Variants in SHB observed in about 807,000 individuals in gnomAD.
The protein encoded by SHB is SH2 domain containing adaptor protein B.
In SHB, 20 loss-of-function variants were observed where a neutral mutation model predicts 52.3. The ratio of observed to expected loss-of-function variants is 0.38; its 90% CI spans 0.27 to 0.56. SHB has a LOEUF of 0.56. SHB is among the 20% of genes least tolerant of loss of function. SHB has a pLI of 0.71. For synonymous variants in SHB, 397 were observed against 316.5 expected, an observed-to-expected ratio of 1.25 and a Z score of -2.70; for missense variants, 825 against 723.3, an observed-to-expected ratio of 1.14 and a Z score of -1.61.
intron 5 of SHB, among the ~76,000 whole-genome samples, chr9:37,948,220 C>A (rs1832516521): frequency 6.6e-6 from 1 of 151,080 alleles, no homozygotes; most frequent in Non-Finnish European, 1.5e-5. Flanking sequence ...CCTGGCCCAG[C>A]CACTTGGGCC....
At position 38,068,442 on chromosome 9, in the gene SHB, G is replaced by C. The variant is rs1284387083; in HGVS notation, c.204C>G (p.Gly68=). Residue 68 remains glycine, a synonymous_variant, in exon 1 of 6, where the codon GGC becomes GGG. Coordinates refer to ENST00000377707, the MANE Select transcript of SHB (RefSeq NM_003028.3). ...TGCTGCCGCTGTCGTCGGGCAGCGA[G>C]CCCGAAGAGGCTGAGAAGCAGGAGG... ...ATASCFSASS[G]SLPDDSGSTS... 1.9e-6 allele frequency: 3 copies of C among 1,544,256 alleles called. No homozygotes were observed. Among genetic ancestry groups the C allele is most frequent in the Non-Finnish European group, 2.6e-6 (3 of 1,149,844 alleles).
At chr9:37,982,979 C>A (rs985657701) in intron 2 of SHB, among the ~76,000 whole-genome samples, 6 of 151,400 alleles carry the variant, frequency 4.0e-5, no homozygotes, top group African/African-American at 2.4e-5. Context: ...TGGTGCCCCC[C>A]CCTCCATCTT....
At chr9:38,028,174 G>C (rs367635068) in intron 1 of SHB, among the ~76,000 whole-genome samples, 25 of 152,196 alleles carry the variant, frequency 1.6e-4, no homozygotes, top group African/African-American at 5.8e-4. Flanking sequence ...CTGTCCCAGA[G>C]ACTAAGCAGG....
rs182367879 is a variant in SHB at position 37,952,753 on chromosome 9, C to T, written c.1226+3130G>A. ...AATCAAGATGATGACGGGTTTGTGG[C>T]TTGAACCATAACTAGTTAGATGTGA... On this transcript the variant is annotated intron_variant, in intron 4 of 5. Coordinates refer to ENST00000377707, the MANE Select transcript of SHB (RefSeq NM_003028.3). Among the ~76,000 whole-genome samples the T allele has an allele frequency of 2.7e-5, 4 of 150,710 alleles. No homozygotes were observed. In the East Asian group the frequency reaches 5.8e-4, roughly 22 times the overall value.
chr9:38,007,098 C>T (rs934691182), intron 2 of SHB, among the ~76,000 whole-genome samples: 7 of 152,180 alleles, frequency 4.6e-5, no homozygotes, highest in East Asian at 3.8e-4. Context: ...TGCATAGACC[C>T]GGGAGCATAG....
At chr9:38,046,646 T>A (rs1821655804) in intron 1 of SHB, among the ~76,000 whole-genome samples, 1 of 152,162 alleles carries the variant, frequency 6.6e-6, no homozygotes, top group South Asian at 2.1e-4. Context: ...CAATGAAACA[T>A]ACAAACTTGC....
intron 2 of SHB, among the ~76,000 whole-genome samples, chr9:37,988,765 C>A (rs1446663221): frequency 1.3e-5 from 2 of 152,230 alleles, no homozygotes; most frequent in Non-Finnish European, 2.9e-5. Flanking sequence ...TTGCACACCC[C>A]TCCTTGTTGG....
chr9:37,970,671 C>T (rs921070112), intron 3 of SHB, among the ~76,000 whole-genome samples: 4 of 152,156 alleles, frequency 2.6e-5, no homozygotes, highest in African/African-American at 9.7e-5. Context: ...GATGCATACC[C>T]AGAGCTGGTT....
rs565193178 is a variant in SHB at position 37,997,740 on chromosome 9, C to T, written c.838+18271G>A. ...CCACCTCAGGACTGGAACCCTGTAC[C>T]TCTCACATCACAGAGACACGGAGGC... On this transcript the variant is annotated intron_variant, in intron 2 of 5. Transcript: ENST00000377707. 4.6e-5 allele frequency among the ~76,000 whole-genome samples: 7 copies of T among 152,354 alleles called. 1 individual carries two copies. The highest frequency in any genetic ancestry group is 4.6e-4 in the Admixed American group (7 of 15,310).
At chr9:38,047,992 T>G (rs1368950910) in intron 1 of SHB, among the ~76,000 whole-genome samples, 1 of 152,170 alleles carries the variant, frequency 6.6e-6, no homozygotes, top group Non-Finnish European at 1.5e-5. Flanking sequence ...GTGATCCTCA[T>G]CGCCAGCATT....
chr9:37,923,012 T>C (rs1170918802), intron 5 of SHB, among the ~76,000 whole-genome samples: 1 of 152,228 alleles, frequency 6.6e-6, no homozygotes, highest in Non-Finnish European at 1.5e-5. Flanking sequence ...CACTGGGGCA[T>C]TGGCCAGGAT....
At chr9:37,960,000 G>A (rs887430451) in intron 3 of SHB, among the ~76,000 whole-genome samples, 2 of 152,074 alleles carry the variant, frequency 1.3e-5, no homozygotes, top group Admixed American at 1.3e-4. Flanking sequence ...AAAAAAAATC[G>A]GTTTCATACC....
intron 1 of SHB, among the ~76,000 whole-genome samples, chr9:38,051,398 G>A (rs561398080): frequency 5.0e-4 from 73 of 147,146 alleles, no homozygotes; most frequent in African/African-American, 1.5e-3. Context: ...AGCCAAGATC[G>A]CGACACTGCA....
At chr9:37,989,524 T>C (rs1820856097) in intron 2 of SHB, among the ~76,000 whole-genome samples, 1 of 152,200 alleles carries the variant, frequency 6.6e-6, no homozygotes, top group African/African-American at 2.4e-5. Context: ...TCCTTCCATA[T>C]AGCACTTCAA....
chr9:38,047,363 T>A lies in SHB; in HGVS notation c.717+20566A>T, dbSNP rs542178517. ...CACTTCAGGCACAAGGCTGAGCTAT[T>A]TTCTAGTTGCAGCGGTCCAATCTTC... is the stretch of plus-strand genomic sequence containing the variant. On this transcript the variant is annotated intron_variant, in intron 1 of 5. Transcript: ENST00000377707. 4.9e-3 allele frequency among the ~76,000 whole-genome samples: 749 copies of A among 152,322 alleles called. 9 individuals are homozygous for A. Among genetic ancestry groups the A allele is most frequent in the African/African-American group, 0.017 (702 of 41,574 alleles).
intron 1 of SHB, 138 bp downstream of exon 1, chr9:38,067,791 G>A: frequency 1.0e-6 from 1 of 956,906 alleles, no homozygotes; most frequent in Non-Finnish European, 1.4e-6. Flanking sequence ...GCAGAAGCGG[G>A]AAGCAGCACG....
intron 3 of SHB, among the ~76,000 whole-genome samples, chr9:37,962,470 G>A (rs900518227): frequency 1.3e-5 from 2 of 151,756 alleles, no homozygotes; most frequent in African/African-American, 4.8e-5. Flanking sequence ...ACTCACTCAA[G>A]TGATTTTGGG....
intron 1 of SHB, among the ~76,000 whole-genome samples, chr9:38,063,605 G>C (rs1928245): frequency 0.69 from 104,792 of 152,144 alleles, 36,259 homozygotes; most frequent in South Asian, 0.78. Flanking sequence ...TCCCAACCCT[G>C]TGCACACACT....
At chr9:37,956,141 C>T in intron 3 of SHB, 87 bp from the exon 4 acceptor site, 2 of 1,261,292 alleles carry the variant, frequency 1.6e-6, no homozygotes, top group Non-Finnish European at 2.2e-6. Flanking sequence ...TTCAGCTGGT[C>T]TAGTTGGCAA....
Sources: gnomAD v4.1 joint callset for allele counts (sites outside exome capture counted in the v4.1 genomes callset) on GRCh38, gnomAD v4.1.1 for gene constraint, MANE v1.5 for transcripts, NCBI Gene and HGNC (gene_info 2026-07-23, HGNC 2026-07-21) for gene names.